The following AFF1 variants were observed in gnomAD, a reference collection of about 807,000 sequenced individuals.
AFF1 encodes the protein AF4/FMR2 family member 1.
Under a neutral mutation model 121.7 loss-of-function variants are expected in AFF1, and 48 were observed. The observed-to-expected ratio is 0.39, with a 90% CI of 0.31 to 0.50. AFF1 has a LOEUF of 0.50. AFF1 is among the 20% of genes least tolerant of loss of function. The pLI, the probability that AFF1 is intolerant of heterozygous loss-of-function variation, is 0.76. For missense variants in AFF1, 1,523 were observed against 1,511.7 expected, an observed-to-expected ratio of 1.01 and a Z score of -0.12; for synonymous variants, 613 against 563.0, an observed-to-expected ratio of 1.09 and a Z score of -1.26.
intron 19 of AFF1, among the ~76,000 whole-genome samples, 199 bp from the exon 20 acceptor site, chr4:87,134,272 G>GAAAGCAT (rs1180276015): frequency 1.3e-5 from 2 of 152,212 alleles, no homozygotes; most frequent in African/African-American, 4.8e-5. Context: ...AATGGCATGG[G>GAAAGCAT]AAAGCATATT....
chr4:86,995,371 G>T (rs918530026), intron 2 of AFF1, among the ~76,000 whole-genome samples: 3 of 146,394 alleles, frequency 2.0e-5, no homozygotes, highest in Admixed American at 1.4e-4. Flanking sequence ...AGCCGAAGCT[G>T]GACGGTACTG....
chr4:87,065,575 G>A (rs748475978), intron 4 of AFF1, among the ~76,000 whole-genome samples: 5 of 151,912 alleles, frequency 3.3e-5, no homozygotes, highest in Admixed American at 1.3e-4. Context: ...GTATTATGAC[G>A]CAGTGCCGCT....
chr4:87,077,447 G>A (rs1019379583), intron 4 of AFF1, among the ~76,000 whole-genome samples: 2 of 152,266 alleles, frequency 1.3e-5, no homozygotes, highest in African/African-American at 2.4e-5. Flanking sequence ...GCTGTACTTC[G>A]AGAACAGGCT....
At chr4:87,055,770 TG>T (rs1205087136) in intron 4 of AFF1, among the ~76,000 whole-genome samples, 1 of 152,348 alleles carries the variant, frequency 6.6e-6, no homozygotes, top group East Asian at 1.9e-4. Context: ...CCAACACTCA[TG>T]AGATATTTAA....
intron 2 of AFF1, among the ~76,000 whole-genome samples, chr4:86,989,053 C>G (rs963847859): frequency 2.0e-5 from 3 of 152,158 alleles, no homozygotes; most frequent in Admixed American, 1.3e-4. Flanking sequence ...GGATTAAAGA[C>G]TTAAACATAA....
chr4:87,025,787 C>T (rs985472204), intron 2 of AFF1, among the ~76,000 whole-genome samples: 18 of 152,172 alleles, frequency 1.2e-4, no homozygotes, highest in Admixed American at 9.2e-4. Flanking sequence ...CTGCAGGTTT[C>T]GCCTAGTTCC....
intron 2 of AFF1, among the ~76,000 whole-genome samples, chr4:86,975,355 A>G (rs1484542599): frequency 6.6e-6 from 1 of 152,152 alleles, no homozygotes; most frequent in Non-Finnish European, 1.5e-5. Context: ...GGCTCAAGCC[A>G]TACTCCCACC....
intron 11 of AFF1, among the ~76,000 whole-genome samples, chr4:87,110,692 T>A (rs1726404235): frequency 6.6e-6 from 1 of 152,126 alleles, no homozygotes. Flanking sequence ...ACTAAAAGAG[T>A]AAATCTATAT....
At chr4:86,954,335 T>A (rs982264934) in intron 2 of AFF1, among the ~76,000 whole-genome samples, 4 of 152,184 alleles carry the variant, frequency 2.6e-5, no homozygotes, top group Non-Finnish European at 4.4e-5. Flanking sequence ...ACTGGAAGCC[T>A]TATGAATAAC....
intron 2 of AFF1, among the ~76,000 whole-genome samples, chr4:86,999,401 CAGACCCTAG>C (rs1386219702): frequency 1.3e-5 from 2 of 152,198 alleles, no homozygotes; most frequent in Non-Finnish European, 2.9e-5. Flanking sequence ...CCACCCCTTA[CAGACCCTAG>C]AGGCAGCTAA....
chr4:86,978,791 G>GTTACTAGGTAAAA (rs1723505763), intron 2 of AFF1, among the ~76,000 whole-genome samples: 2 of 152,128 alleles, frequency 1.3e-5, no homozygotes, highest in East Asian at 3.9e-4. Context: ...TACTGGAGGT[G>GTTACTAGGTAAAA]CCTAGTTACA....
intron 10 of AFF1, 95 bp from the exon 11 acceptor site, chr4:87,108,064 C>T: frequency 1.4e-6 from 2 of 1,406,382 alleles, no homozygotes; most frequent in Non-Finnish European, 9.7e-7. Flanking sequence ...AATACCAAGG[C>T]CCGCCCTTTT....
chr4:86,990,709 G>A (rs560664808), intron 2 of AFF1, among the ~76,000 whole-genome samples: 31 of 152,278 alleles, frequency 2.0e-4, no homozygotes, highest in South Asian at 2.1e-4. Context: ...GCAATGTGAG[G>A]CTGCCCCAAA....
At chr4:86,947,301 G>T (rs1720934822) in intron 1 of AFF1, among the ~76,000 whole-genome samples, 1 of 152,186 alleles carries the variant, frequency 6.6e-6, no homozygotes, top group Admixed American at 6.5e-5. Flanking sequence ...AGAGGAGAAA[G>T]AGTGGCAAAT....
At chr4:86,993,822 G>C (rs2149509197) in intron 2 of AFF1, among the ~76,000 whole-genome samples, 1 of 152,148 alleles carries the variant, frequency 6.6e-6, no homozygotes, top group Non-Finnish European at 1.5e-5. Flanking sequence ...AAATTAGCTG[G>C]GCATGGTAAT....
At chr4:86,983,731 A>AT (rs1271262661) in intron 2 of AFF1, among the ~76,000 whole-genome samples, 2 of 144,534 alleles carry the variant, frequency 1.4e-5, no homozygotes. Flanking sequence ...AAAAAAAAAA[A>AT]CAAAAAACAA....
intron 2 of AFF1, among the ~76,000 whole-genome samples, chr4:87,038,564 G>A: frequency 6.6e-6 from 1 of 152,304 alleles, no homozygotes; most frequent in South Asian, 2.1e-4. Flanking sequence ...AAATGAAAAA[G>A]TCACTTACAT....
intron 2 of AFF1, among the ~76,000 whole-genome samples, chr4:86,990,253 C>T (rs1191732306): frequency 6.7e-6 from 1 of 149,074 alleles, no homozygotes; most frequent in African/African-American, 2.5e-5. Context: ...GAGGCTGAGG[C>T]AGGAGAATTG....
At chr4:87,055,299 A>G (rs73837576) in intron 4 of AFF1, among the ~76,000 whole-genome samples, 2,220 of 152,356 alleles carry the variant, frequency 0.015, 58 homozygotes, top group African/African-American at 0.05. Context: ...AATTAATGCA[A>G]AGAATAGAAT....
Sources: gnomAD v4.1 joint callset for allele counts (sites outside exome capture counted in the v4.1 genomes callset) on GRCh38, gnomAD v4.1.1 for gene constraint, MANE v1.5 for transcripts, NCBI Gene and HGNC (gene_info 2026-07-23, HGNC 2026-07-21) for gene names.